Variants in MTHFD1L observed in about 807,000 individuals in gnomAD.
The protein encoded by MTHFD1L is methylenetetrahydrofolate dehydrogenase (NADP+ dependent) 1 like.
In MTHFD1L, 81 loss-of-function variants were observed where a neutral mutation model predicts 119.5. The ratio of observed to expected loss-of-function variants is 0.68; its 90% confidence interval spans 0.57 to 0.82. The LOEUF is 0.82. Ranked by LOEUF, MTHFD1L falls within the 40% of genes least tolerant of loss-of-function variation. The probability of loss-of-function intolerance (pLI) is 0.00; values close to 1 mark genes in which losing one functional copy is unlikely to be tolerated. For missense variants in MTHFD1L, 1,125 were observed against 1,253.4 expected (o/e 0.90, Z 1.55); for synonymous variants, 430 against 475.2 (o/e 0.90, Z 1.24).
intron 20 of MTHFD1L, among the ~76,000 whole-genome samples, chr6:150,989,818 T>G (rs759972288): frequency 2.0e-5 from 3 of 152,212 alleles, no homozygotes; most frequent in Non-Finnish European, 4.4e-5. Flanking sequence ...ATCCTTCCTC[T>G]GTCAAACTAA....
intron 26 of MTHFD1L, among the ~76,000 whole-genome samples, chr6:151,069,935 G>C (rs1032837173): frequency 6.6e-6 from 1 of 152,102 alleles, no homozygotes; most frequent in African/African-American, 2.4e-5. Context: ...CTTAGATGTC[G>C]ATGAGTACAT....
At chr6:150,949,663 G>A (rs754854774) in intron 16 of MTHFD1L, among the ~76,000 whole-genome samples, 2 of 152,056 alleles carry the variant, frequency 1.3e-5, no homozygotes, top group South Asian at 2.1e-4. Flanking sequence ...TGGAGTCCCC[G>A]TGAGCTCCCC....
At chr6:150,874,883 C>T (rs144691512) in intron 1 of MTHFD1L, among the ~76,000 whole-genome samples, 105 of 151,666 alleles carry the variant, frequency 6.9e-4, no homozygotes, top group African/African-American at 2.4e-3. Context: ...CCGAGTAGCT[C>T]AGATTATAGG....
intron 17 of MTHFD1L, among the ~76,000 whole-genome samples, chr6:150,957,329 G>A (rs1795794008): frequency 2.0e-5 from 3 of 152,140 alleles, no homozygotes; most frequent in Non-Finnish European, 4.4e-5. Flanking sequence ...AAACAATGGA[G>A]TATCATTTAC....
At chr6:150,915,503 T>C (rs532056893) in intron 8 of MTHFD1L, among the ~76,000 whole-genome samples, 1 of 152,360 alleles carries the variant, frequency 6.6e-6, no homozygotes, top group East Asian at 1.9e-4. Flanking sequence ...AAGTGAAATA[T>C]TCTTCACTCG....
chr6:151,033,425 T>A (rs17054342), intron 24 of MTHFD1L, among the ~76,000 whole-genome samples: 4,355 of 152,218 alleles, frequency 0.029, 230 homozygotes, highest in African/African-American at 0.099. Flanking sequence ...TGGCCACATA[T>A]GCATCTTTAC....
chr6:151,015,419 G>A lies in MTHFD1L; in HGVS notation c.2409-97G>A, dbSNP rs1432308805. 10 of 1,331,488 alleles carry A rather than the reference G, an allele frequency of 7.5e-6. No individual in the cohort carries two copies. The East Asian group carries it at 1.9e-4, about 25-fold the overall frequency. The allele number at this position is 1,331,488 out of a possible 1,614,324, so 82.5% of individuals were successfully genotyped here. A position where few individuals can be genotyped will look rare whatever the true frequency, so the allele number is the denominator to read the frequency against. ...ACTTTTGATGTTTAAAATGTATTCA[G>A]TGTTAGGGAGCGAAGTTCTGTATAA... On this transcript the variant is annotated intron_variant, in intron 23 of 27. Coordinates refer to ENST00000367321, the MANE Select transcript of MTHFD1L (RefSeq NM_015440.5).
intron 26 of MTHFD1L, among the ~76,000 whole-genome samples, chr6:151,073,368 C>G (rs1299778796): frequency 6.6e-6 from 1 of 152,164 alleles, no homozygotes; most frequent in Non-Finnish European, 1.5e-5. Flanking sequence ...GTGCCTGTTG[C>G]CAACAGCTAG....
intron 1 of MTHFD1L, among the ~76,000 whole-genome samples, chr6:150,868,198 C>T (rs919991909): frequency 6.6e-6 from 1 of 152,090 alleles, no homozygotes; most frequent in Non-Finnish European, 1.5e-5. Flanking sequence ...TCTCCAAACT[C>T]AATTCCTTCA....
chr6:150,932,795 A>G (rs6908818), intron 11 of MTHFD1L, among the ~76,000 whole-genome samples: 52,993 of 137,756 alleles, frequency 0.38, 12,223 homozygotes, highest in African/African-American at 0.63. Context: ...AGAAAGGAAG[A>G]AAGGGAGGAA....
chr6:150,866,357 T>C (rs939481490), intron 1 of MTHFD1L: 4 of 1,422,926 alleles, frequency 2.8e-6, no homozygotes, highest in Non-Finnish European at 3.6e-6. Context: ...CCGCCGGCTC[T>C]GATGCAATCG....
At chr6:150,999,596 C>A (rs148413702) in intron 20 of MTHFD1L, among the ~76,000 whole-genome samples, 2 of 152,126 alleles carry the variant, frequency 1.3e-5, no homozygotes, top group East Asian at 3.9e-4. Context: ...TATAAAGGAG[C>A]TAAAAATAAG....
rs150016881 is a variant in MTHFD1L, at chr6:150,995,055, C to T, written c.2126-14764C>T. On this transcript the variant is annotated intron_variant, in intron 20 of 27. Coordinates refer to ENST00000367321, the MANE Select transcript of MTHFD1L (RefSeq NM_015440.5). The stretch of plus-strand genomic sequence containing the variant: ...TACAACTAATCATATTTTTGTCAGG[C>T]TGAGGACATCTCAAGAGGAGGGAAA... Among the ~76,000 whole-genome samples, 144 of 152,072 alleles carry T rather than the reference C, an allele frequency of 9.5e-4. 1 individual carries two copies. Among genetic ancestry groups the T allele is most frequent in the Admixed American group, 7.7e-3 (118 of 15,258 alleles).
intron 20 of MTHFD1L, among the ~76,000 whole-genome samples, chr6:151,009,450 C>CT (rs1210348995): frequency 6.6e-6 from 1 of 152,012 alleles, no homozygotes; most frequent in Non-Finnish European, 1.5e-5. Context: ...AGGAGAATCG[C>CT]TTGTGCCCGG....
chr6:150,898,873 C>A (rs1217527440), intron 7 of MTHFD1L: 2 of 414,500 alleles, frequency 4.8e-6, no homozygotes, highest in African/African-American at 2.1e-5. Context: ...GAGTCTCGTT[C>A]TGTCACCAGG....
chr6:150,933,289 C>T (rs1437299410), intron 11 of MTHFD1L, among the ~76,000 whole-genome samples: 1 of 152,106 alleles, frequency 6.6e-6, no homozygotes, highest in Non-Finnish European at 1.5e-5. Context: ...AGGTAAACCA[C>T]TTAGTCCTTT....
chr6:151,037,514 G>A (rs969126182), intron 26 of MTHFD1L, among the ~76,000 whole-genome samples: 1 of 152,142 alleles, frequency 6.6e-6, no homozygotes, highest in African/African-American at 2.4e-5. Flanking sequence ...GATCTGCCCA[G>A]TCACCCCAAG....
chr6:150,944,009 G>A (rs1007622991), intron 13 of MTHFD1L, among the ~76,000 whole-genome samples: 1 of 152,176 alleles, frequency 6.6e-6, no homozygotes, highest in African/African-American at 2.4e-5. Context: ...GCATCAGAAT[G>A]TTTTGCCTTA....
chr6:150,970,011 A>G (rs1797804902), intron 19 of MTHFD1L, among the ~76,000 whole-genome samples: 1 of 152,210 alleles, frequency 6.6e-6, no homozygotes. Context: ...ATCATTGACT[A>G]GGAATCTATC....
Sources: allele counts gnomAD v4.1 joint callset (sites outside exome capture counted in the v4.1 genomes callset), GRCh38; gene constraint gnomAD v4.1.1; transcripts MANE v1.5; gene names NCBI Gene and HGNC (gene_info 2026-07-23, HGNC 2026-07-21).